CTU2: variants seen among roughly 807,000 people sequenced by gnomAD.
The protein encoded by CTU2 is cytoplasmic tRNA 2-thiolation protein 2.
CTU2 carries 80 observed loss-of-function variants against 64.1 expected under a neutral mutation model. That is an observed-to-expected ratio of 1.25 (90% CI 1.04 to 1.50). The LOEUF is 1.50. Among genes scored for constraint, CTU2 ranks in the 40% most tolerant of loss-of-function variants. The probability of loss-of-function intolerance (pLI) is 0.00; values close to 1 mark genes in which losing one functional copy is unlikely to be tolerated. For missense variants in CTU2, 1,110 were observed against 690.2 expected, an observed-to-expected ratio of 1.61 and a Z score of -6.81; for synonymous variants, 482 against 285.3, an observed-to-expected ratio of 1.69 and a Z score of -6.95.
intron 4 of CTU2, chr16:88,710,765 C>A: frequency 6.1e-6 from 1 of 162,788 alleles, no homozygotes; most frequent in Non-Finnish European, 1.3e-5. Context: ...ATGTGTGACC[C>A]GAGGGAAGAT....
At chr16:88,709,846 T>C in intron 2 of CTU2, 92 bp from the exon 3 acceptor site, 2 of 1,029,094 alleles carry the variant, frequency 1.9e-6, no homozygotes, top group Non-Finnish European at 3.0e-6. Context: ...AAGATGGAGA[T>C]TGGCAAAGGA....
At chr16:88,707,355 G>A in intron 2 of CTU2, 145 bp downstream of exon 2, 1 of 772,996 alleles carries the variant, frequency 1.3e-6, no homozygotes, top group South Asian at 1.6e-5. Context: ...CGTGCCCCTG[G>A]TGTTGAAGTG....
At chr16:88,707,242 A>T (rs760198761) in intron 2 of CTU2, 32 bp downstream of exon 2, 1 of 1,600,962 alleles carries the variant, frequency 6.2e-7, no homozygotes, top group Non-Finnish European at 8.6e-7. Context: ...GACCCTGGCA[A>T]ACATGGCCTC....
chr16:88,711,935 G>A (rs773514299), intron 5 of CTU2: 10 of 603,254 alleles, frequency 1.7e-5, no homozygotes, highest in South Asian at 5.9e-5. Flanking sequence ...TTAGAAAGTC[G>A]GGGGTGGGAG....
Position 88,714,356 on chromosome 16 carries a change from C to T in CTU2, c.1098-27C>T, listed in dbSNP as rs1046496720. ...GTGGAGCCCCAGCCCGTGTGATTCA[C>T]CTGCTCCTCCCACAATCCGGCCACA... is the stretch of plus-strand genomic sequence containing the variant. On this transcript the variant is annotated intron_variant, in intron 10 of 14. Transcript: ENST00000453996. The T allele has an allele frequency of 6.2e-6, 10 of 1,611,042 alleles. No homozygotes were observed. The African/African-American group carries it at 6.7e-5, about 11-fold the overall frequency.
rs1431385917 is a variant in CTU2, at chr16:88,714,651, CCT to C, written c.1267_1268del (p.Leu423AspfsTer2). Reference sequence around the variant, plus strand: ...TCTCCCAGATGCAGTCACCCATCCCCCTGACTGAGACCCGGACACCCCCGGGG... The same window carrying C: ...TCTCCCAGATGCAGTCACCCATCCCCGACTGAGACCCGGACACCCCCGGGG... ...RLSQMQSPIP[L>X]TETRTPPGPC... On this transcript the variant is annotated frameshift_variant, in exon 12 of 15. Coordinates refer to ENST00000453996, the MANE Select transcript of CTU2 (RefSeq NM_001012759.3). LOFTEE classifies it high-confidence loss of function. 20 of 1,612,470 alleles carry C rather than the reference CCT, an allele frequency of 1.2e-5. No individual in the cohort carries two copies. Among genetic ancestry groups the C allele is most frequent in the Admixed American group, 3.3e-5 (2 of 59,984 alleles).
rs537365062 is a variant in CTU2 at position 88,711,392 on chromosome 16, C to T, written c.283-243C>T. ...ACATCCAGGACCAGCTGGTGAGGGG[C>T]ATGTTTTACCAGGGGGATGAAGACC... is the stretch of plus-strand genomic sequence containing the variant. On this transcript the variant is annotated intron_variant, in intron 4 of 14. Coordinates refer to ENST00000453996, the MANE Select transcript of CTU2 (RefSeq NM_001012759.3). 5.9e-5 allele frequency among the ~76,000 whole-genome samples: 9 copies of T among 152,250 alleles called. No individual in the cohort carries two copies. In the South Asian group the frequency reaches 1.0e-3, roughly 18 times the overall value.
In CTU2 at chr16:88,715,215, G is replaced by A. The variant is rs780631899; in HGVS notation, c.1512G>A (p.Leu504=). ...AWGLQEIRDC[L]IEDSDDEAGQ... ...GCTTGCAGGAGATCCGGGACTGTCT[G>A]ATTGAGGACAGTGACGACGAGGCGG... Residue 504 remains leucine, a synonymous_variant, in exon 15 of 15, where the codon CTG becomes CTA. Coordinates refer to ENST00000453996, the MANE Select transcript of CTU2 (RefSeq NM_001012759.3). 1.9e-6 allele frequency: 3 copies of A among 1,612,432 alleles called. No individual in the cohort carries two copies. The South Asian group carries it at 3.3e-5, about 18-fold the overall frequency.
chr16:88,709,668 C>T (rs767477037), intron 2 of CTU2: 8 of 486,684 alleles, frequency 1.6e-5, no homozygotes, highest in African/African-American at 9.8e-5. Context: ...TGCCGGGGCT[C>T]TGCCCTCGTT....
In CTU2 at chr16:88,710,006, C is replaced by T; in HGVS notation, c.212C>T (p.Pro71Leu). 6 of 1,613,924 alleles carry T rather than the reference C, an allele frequency of 3.7e-6. No homozygotes were observed. The South Asian group carries it at 6.6e-5, about 18-fold the overall frequency. Residue 71 changes from proline (P) to leucine (L), a missense_variant, in exon 3 of 15, where the codon CCA (proline) becomes CTA (leucine). Pro to Leu is a moderately conservative substitution (Grantham distance 98). Coordinates refer to ENST00000453996, the MANE Select transcript of CTU2 (RefSeq NM_001012759.3). The part of the protein sequence containing the change: ...AMLGKNRLIF[P>L]GEKVLLAWSG... The stretch of plus-strand genomic sequence containing the variant: ...CTGGGCAAGAACCGGCTCATCTTTC[C>T]AGGCGAGAAGGTAGCGTCTGGGTCC...
At chr16:88,706,646 C>A (rs886131943) in intron 1 of CTU2, 48 bp downstream of exon 1, 15 of 1,304,708 alleles carry the variant, frequency 1.1e-5, no homozygotes, top group Non-Finnish European at 1.5e-5. Context: ...GCCTTCCCGC[C>A]GCACTCCTGC....
intron 2 of CTU2, among the ~76,000 whole-genome samples, chr16:88,708,200 C>T (rs1911054789): frequency 6.6e-6 from 1 of 152,200 alleles, no homozygotes; most frequent in African/African-American, 2.4e-5. Context: ...GGAGAGGCTG[C>T]TGTGGCTGTA....
chr16:88,713,726 A>G lies in CTU2; in HGVS notation c.953A>G (p.Tyr318Cys), dbSNP rs1365300985. 2 of 1,612,478 alleles carry G rather than the reference A, an allele frequency of 1.2e-6. No individual in the cohort carries two copies. The highest frequency in any genetic ancestry group is 1.1e-5 in the South Asian group (1 of 91,082). ...CACACCCTGAAGGAGGTCGCTTTCT[A>G]CAACCGCCTGTTCTCCGTTCCTTCT... ...RDHTLKEVAFYNRLFSVPSVF... is the reference protein window; with the variant it reads ...RDHTLKEVAFCNRLFSVPSVF... The change falls in exon 9 of 15, where the codon TAC becomes TGC. Residue 318 changes from tyrosine (Y) to cysteine (C), a missense_variant. Tyr to Cys is a radical substitution (Grantham distance 194). Coordinates refer to ENST00000453996, the MANE Select transcript of CTU2 (RefSeq NM_001012759.3).
intron 11 of CTU2, 23 bp from the exon 12 acceptor site, chr16:88,714,564 C>T (rs369903498): frequency 1.3e-4 from 217 of 1,612,650 alleles, no homozygotes; most frequent in African/African-American, 8.7e-4. Context: ...CCCCAGGCTC[C>T]GTCACCCCCT....
chr16:88,709,241 C>G (rs767306007), intron 2 of CTU2: 1 of 152,158 alleles, frequency 6.6e-6, no homozygotes, highest in African/African-American at 2.4e-5. Flanking sequence ...ATAACTGTGG[C>G]ACTGCACTCC....
Position 88,715,322 on chromosome 16 carries a change from G to A in CTU2, c.*71G>A, listed in dbSNP as rs868755536. On this transcript the variant is annotated 3_prime_UTR_variant, in exon 15 of 15. Transcript: ENST00000453996. ...ACACCACACTGGAGCCGGAAGGCAA[G>A]GACGGGGGACTGGCCTCTGATTGTC... The A allele has an allele frequency of 4.7e-5, 70 of 1,484,288 alleles. 1 individual carries two copies. The South Asian group carries it at 8.1e-4, about 17-fold the overall frequency. 91.9% of individuals were successfully genotyped at this position (1,484,288 alleles called of 1,614,324 possible).
In CTU2 at chr16:88,712,754, C is replaced by G. The variant is rs890314445; in HGVS notation, c.586C>G (p.Pro196Ala). The change falls in exon 7 of 15, where the codon CCG becomes GCG. Residue 196 changes from proline (P) to alanine (A), a missense_variant. Physicochemically the swap from Pro to Ala is conservative, Grantham distance 27. Transcript: ENST00000453996. ...GCTGGGGGCCGGGGGTGGTCCTGGC[C>G]CGACTCAAGGGGAGGAACAGCCACC... ...HVLGAGGGPG[P>A]TQGEEQPPQP... The G allele has an allele frequency of 5.0e-6, 8 of 1,608,638 alleles. No individual in the cohort carries two copies. The highest frequency in any genetic ancestry group is 6.8e-6 in the Non-Finnish European group (8 of 1,178,370).
Position 88,713,769 on chromosome 16 carries a change from CG to C in CTU2, c.997del (p.Asp333ThrfsTer13). 1 of 1,612,636 alleles carries C rather than the reference CG, an allele frequency of 6.2e-7. No individual in the cohort carries two copies. Among genetic ancestry groups the C allele is most frequent in the Non-Finnish European group, 8.5e-7 (1 of 1,179,856 alleles). Reference protein sequence around the residue: ...SVPSVFTPAVDTKAPEKASIH... With the variant: ...SVPSVFTPAVXTKAPEKASIH... ...TTCCTTCTGTCTTCACACCAGCCGT[CG>C]ACACCAAGGTGGGCCTTGTGGGCTG... On this transcript the variant is annotated frameshift_variant, in exon 9 of 15. Coordinates refer to ENST00000453996, the MANE Select transcript of CTU2 (RefSeq NM_001012759.3). LOFTEE classifies it high-confidence loss of function.
rs1186578336 is a variant in CTU2 at position 88,715,209 on chromosome 16, C to G, written c.1506C>G (p.Asp502Glu). 1.9e-6 allele frequency: 3 copies of G among 1,612,204 alleles called. No individual in the cohort carries two copies. Among genetic ancestry groups the G allele is most frequent in the Non-Finnish European group, 2.5e-6 (3 of 1,179,914 alleles). Reference sequence around the variant, plus strand: ...CCTGGGGCTTGCAGGAGATCCGGGACTGTCTGATTGAGGACAGTGACGACG... The same window carrying G: ...CCTGGGGCTTGCAGGAGATCCGGGAGTGTCTGATTGAGGACAGTGACGACG... ...QRAWGLQEIR[D>E]CLIEDSDDEA... The change falls in exon 15 of 15, where the codon GAC (aspartate) becomes GAG (glutamate). Residue 502 changes from aspartate (D) to glutamate (E), a missense_variant. Asp to Glu is a conservative substitution (Grantham distance 45). Transcript: ENST00000453996.
Sources: gnomAD v4.1 joint callset for allele counts (sites outside exome capture counted in the v4.1 genomes callset) on GRCh38, gnomAD v4.1.1 for gene constraint, MANE v1.5 for transcripts, NCBI Gene and HGNC (gene_info 2026-07-23, HGNC 2026-07-21) for gene names.